Variants in FYCO1 observed in about 807,000 individuals in gnomAD.
FYCO1 encodes the protein FYVE and coiled-coil domain autophagy adaptor 1, also known as FYVE and coiled-coil domain-containing protein 1.
Under a neutral mutation model 165.1 loss-of-function variants are expected in FYCO1, and 122 were observed. That is an observed-to-expected ratio of 0.74 (90% CI 0.64 to 0.86). The LOEUF (loss-of-function observed/expected upper bound fraction) is 0.86, where lower values mean the gene tolerates loss of function less well. FYCO1 is among the 40% of genes least tolerant of loss of function. The pLI is 0.00. For synonymous variants in FYCO1, 648 were observed against 742.5 expected (o/e 0.87, Z 2.07); for missense variants, 1,702 against 1,810.3 (o/e 0.94, Z 1.09).
At chr3:45,984,741 C>CA in intron 2 of FYCO1, 115 bp downstream of exon 2, 1 of 1,043,258 alleles carries the variant, frequency 9.6e-7, no homozygotes, top group East Asian at 2.4e-5. Flanking sequence ...CTGAGGACTC[C>CA]AATTACTCGT....
chr3:45,964,387 G>T lies in FYCO1; in HGVS notation c.3218C>A (p.Ala1073Asp). 6.2e-7 allele frequency: 1 copy of T among 1,614,052 alleles called. No homozygotes were observed. Among genetic ancestry groups the T allele is most frequent in the East Asian group, 2.2e-5 (1 of 44,880 alleles). Residue 1073 changes from alanine to aspartate, a missense_variant, in exon 10 of 18, where the codon GCC becomes GAC. Physicochemically the swap from Ala to Asp is moderately radical, Grantham distance 126. Coordinates refer to ENST00000296137, the MANE Select transcript of FYCO1 (RefSeq NM_024513.4). This position sits in a 1 kb window ranked among gnomAD's most constrained non-coding sequence, Gnocchi z 4.1. ...TSNHLAECQA[A>D]MLRKDKEGAA... ...CCCCTCCTTGTCCTTCCTCAGCATGGCCGCCTGGCACTCTGCAAGATGGTT... is the reference window on the plus strand; with the variant it reads ...CCCCTCCTTGTCCTTCCTCAGCATGTCCGCCTGGCACTCTGCAAGATGGTT...
At position 45,972,745 on chromosome 3, in the gene FYCO1, C is replaced by A. The variant is rs141754889; in HGVS notation, c.539+343G>T. Among the ~76,000 whole-genome samples the A allele has an allele frequency of 9.7e-4, 148 of 152,360 alleles. 1 individual carries two copies. The highest frequency in any genetic ancestry group is 3.4e-3 in the African/African-American group (142 of 41,592). ...CACTTCCTCTCCTACTGCTTAGGAG[C>A]CTTCTGTAATAACTCCATAAGAACA... On this transcript the variant is annotated intron_variant, in intron 6 of 17. Transcript: ENST00000296137.
intron 16 of FYCO1, among the ~76,000 whole-genome samples, chr3:45,927,420 T>C (rs750334322): frequency 6.6e-6 from 1 of 152,084 alleles, no homozygotes; most frequent in South Asian, 2.1e-4. Flanking sequence ...AATTCAAACG[T>C]GTGGATCGAA....
In FYCO1 at chr3:45,981,592, T is replaced by G; in HGVS notation, c.140A>C (p.Tyr47Ser). 1 of 1,612,192 alleles carries G rather than the reference T, an allele frequency of 6.2e-7. No individual in the cohort carries two copies. The highest frequency in any genetic ancestry group is 8.5e-7 in the Non-Finnish European group (1 of 1,178,244). Reference protein sequence around the residue: ...DDSTSLHKFSYKLEYLLQFDQ... With the variant: ...DDSTSLHKFSSKLEYLLQFDQ... ...TACTTGCAGGAGATACTCAAGTTTATAAGAAAATTTATGCAAGCTGGTGCT... is the reference window on the plus strand; with the variant it reads ...TACTTGCAGGAGATACTCAAGTTTAGAAGAAAATTTATGCAAGCTGGTGCT... Residue 47 changes from tyrosine (Y) to serine (S), a missense_variant, in exon 3 of 18, where the codon TAT (tyrosine) becomes TCT (serine). Transcript: ENST00000296137.
rs77239568 is a variant in FYCO1, at chr3:45,979,934, G to A, written c.163-104C>T. The A allele has an allele frequency of 8.2e-4, 1,133 of 1,375,888 alleles. 4 individuals are homozygous for A. The African/African-American group carries it at 0.015, about 18-fold the overall frequency. The allele number at this position is 1,375,888 out of a possible 1,614,324, so 85.2% of individuals were successfully genotyped here. On this transcript the variant is annotated intron_variant, in intron 3 of 17. Coordinates refer to ENST00000296137, the MANE Select transcript of FYCO1 (RefSeq NM_024513.4). The stretch of plus-strand genomic sequence containing the variant: ...AATAGCTTCTTAGGTGCCAGCACTG[G>A]GTGAGGCCCTTTATTGGCATTATTT...
Position 45,968,597 on chromosome 3 carries a change from T to C in FYCO1, c.737A>G (p.Glu246Gly), listed in dbSNP as rs1706246576. 1 of 1,613,888 alleles carries C rather than the reference T, an allele frequency of 6.2e-7. No homozygotes were observed. The highest frequency in any genetic ancestry group is 1.3e-5 in the African/African-American group (1 of 74,922). The change falls in exon 8 of 18, where the codon GAG (glutamate) becomes GGG (glycine). Residue 246 changes from glutamate to glycine, a missense_variant. Glu to Gly is a moderately conservative substitution (Grantham distance 98, BLOSUM62 -2). Transcript: ENST00000296137. ...RLELDQLEVR[E>G]KQLRERMQQL... ...CTGCATGCGCTCCCGTAGCTGCTTCTCCCGCACCTCCAACTGGTCCAGCTC... is the reference window on the plus strand; with the variant it reads ...CTGCATGCGCTCCCGTAGCTGCTTCCCCCGCACCTCCAACTGGTCCAGCTC...
At chr3:45,959,145 C>A (rs1705540835) in intron 12 of FYCO1, among the ~76,000 whole-genome samples, 1 of 152,218 alleles carries the variant, frequency 6.6e-6, no homozygotes, top group South Asian at 2.1e-4. Context: ...ATGCCCCATC[C>A]CTGCGGGGCC....
intron 15 of FYCO1, among the ~76,000 whole-genome samples, chr3:45,934,419 G>T (rs1193174992): frequency 2.6e-5 from 4 of 152,166 alleles, no homozygotes; most frequent in Non-Finnish European, 5.9e-5. Context: ...TTATCTATGG[G>T]GGAATACCAA....
chr3:45,987,270 G>T (rs1241694134), intron 1 of FYCO1, among the ~76,000 whole-genome samples: 1 of 152,142 alleles, frequency 6.6e-6, no homozygotes, highest in East Asian at 1.9e-4. Flanking sequence ...GAAAATATGG[G>T]GGGCAATTCT....
In FYCO1 at chr3:45,968,330, G is replaced by A. The variant is rs1201292595; in HGVS notation, c.1004C>T (p.Thr335Ile). The A allele has an allele frequency of 1.9e-6, 3 of 1,613,708 alleles. No homozygotes were observed. Among genetic ancestry groups the A allele is most frequent in the African/African-American group, 1.3e-5 (1 of 74,940 alleles). ...GAAEKEEDYHTALRRLESMLQ... is the reference protein window; with the variant it reads ...GAAEKEEDYHIALRRLESMLQ... Reference sequence around the variant, plus strand: ...CATGGACTCCAGCCGCCGCAGGGCTGTGTGGTAGTCCTCCTCCTTCTCTGC... The same window carrying A: ...CATGGACTCCAGCCGCCGCAGGGCTATGTGGTAGTCCTCCTCCTTCTCTGC... The change falls in exon 8 of 18, where the codon ACA becomes ATA. Residue 335 changes from threonine (T) to isoleucine (I), a missense_variant. Physicochemically the swap from Thr to Ile is moderately conservative, Grantham distance 89. Transcript: ENST00000296137.
At position 45,923,725 on chromosome 3, in the gene FYCO1, T is replaced by C. The variant is rs372021321; in HGVS notation, c.4292A>G (p.Asn1431Ser). The C allele has an allele frequency of 2.0e-5, 33 of 1,614,058 alleles. No homozygotes were observed. The African/African-American group carries it at 3.5e-4, about 17-fold the overall frequency. ...PTTRCNSHKE[N>S]IQGQLKVRTP... Reference sequence around the variant, plus strand: ...GCGAACCTTGAGCTGGCCCTGGATGTTCTCCTTGTGGGAGTTGCATCGGGT... The same window carrying C: ...GCGAACCTTGAGCTGGCCCTGGATGCTCTCCTTGTGGGAGTTGCATCGGGT... Residue 1431 changes from asparagine to serine, a missense_variant, in exon 17 of 18, where the codon AAC becomes AGC. Physicochemically the swap from Asn to Ser is conservative, Grantham distance 46. Transcript: ENST00000296137.
chr3:45,925,216 C>A (rs1160073051), intron 16 of FYCO1, among the ~76,000 whole-genome samples: 1 of 151,306 alleles, frequency 6.6e-6, no homozygotes, highest in Admixed American at 6.6e-5. Context: ...GCGTGAGCCA[C>A]GGCGCCCAGC....
intron 4 of FYCO1, among the ~76,000 whole-genome samples, chr3:45,979,385 T>C (rs1462586812): frequency 6.6e-6 from 1 of 152,220 alleles, no homozygotes; most frequent in Non-Finnish European, 1.5e-5. Context: ...GATGGAGTCA[T>C]CCTATGCTTT....
chr3:45,922,283 G>A (rs763317697), intron 17 of FYCO1, among the ~76,000 whole-genome samples: 14 of 152,216 alleles, frequency 9.2e-5, no homozygotes, highest in African/African-American at 2.2e-4. Flanking sequence ...AGATGACCTC[G>A]ATGGGCCAAG....
rs1706191831 is a variant in FYCO1, at chr3:45,967,987, C to T, written c.1347G>A (p.Val449=). ...EDARASLERL[V]KEMAPLQEEL... is the part of the protein sequence containing the mutation. ...CCTCCTGGAGTGGGGCCATCTCCTTCACCAGGCGCTCCAGGCTGGCCCGGG... is the reference window on the plus strand; with the variant it reads ...CCTCCTGGAGTGGGGCCATCTCCTTTACCAGGCGCTCCAGGCTGGCCCGGG... The change falls in exon 8 of 18, where the codon GTG becomes GTA. Residue 449 remains valine, a synonymous_variant. Transcript: ENST00000296137. 2.5e-6 allele frequency: 4 copies of T among 1,614,054 alleles called. No homozygotes were observed. Among genetic ancestry groups the T allele is most frequent in the Non-Finnish European group, 3.4e-6 (4 of 1,180,034 alleles).
chr3:45,934,923 C>G (rs1333382454), intron 15 of FYCO1, among the ~76,000 whole-genome samples: 1 of 152,230 alleles, frequency 6.6e-6, no homozygotes, highest in Non-Finnish European at 1.5e-5. Context: ...TTGGTACATT[C>G]TGCAGCCAAG....
At chr3:45,940,970 T>C (rs1047210398) in intron 14 of FYCO1, 1 of 152,246 alleles carries the variant, frequency 6.6e-6, no homozygotes, top group African/African-American at 2.4e-5. Flanking sequence ...CCTGCTCTCC[T>C]GCTTATAGAA....
intron 7 of FYCO1, 68 bp from the exon 8 acceptor site, chr3:45,968,771 A>C (rs1486706563): frequency 6.3e-7 from 1 of 1,591,906 alleles, no homozygotes; most frequent in Non-Finnish European, 8.6e-7. Context: ...GAAAAGCTTT[A>C]GAGTTTAATG....
Position 45,966,361 on chromosome 3 carries a change from G to A in FYCO1, c.2973C>T (p.Ser991=). The part of the protein sequence containing the change: ...QLAQAEQRAQ[S]LQEAAHQELN... ...GCTCCTGGTGTGCAGCCTCTTGGAG[G>A]CTCTGGGCCCGCTGCTCTGCCTGGG... The change falls in exon 8 of 18, where the codon AGC becomes AGT. Residue 991 remains serine (S), a synonymous_variant. Coordinates refer to ENST00000296137, the MANE Select transcript of FYCO1 (RefSeq NM_024513.4). The A allele has an allele frequency of 1.2e-6, 2 of 1,614,180 alleles. No individual in the cohort carries two copies. The highest frequency in any genetic ancestry group is 1.1e-5 in the South Asian group (1 of 91,090).
Sources: allele counts gnomAD v4.1 joint callset (sites outside exome capture counted in the v4.1 genomes callset), GRCh38; gene constraint gnomAD v4.1.1; non-coding constraint Gnocchi (gnomAD v3.1); transcripts MANE v1.5; gene names NCBI Gene and HGNC (gene_info 2026-07-23, HGNC 2026-07-21).